Variants in TUT7 observed in about 807,000 individuals in gnomAD.
TUT7 encodes the protein terminal uridylyl transferase 7, also known as terminal uridylyltransferase 7.
TUT7 carries 33 observed loss-of-function variants against 165.9 expected under a neutral mutation model. The ratio of observed to expected loss-of-function variants is 0.20; its 90% CI spans 0.15 to 0.27. The LOEUF is 0.27. Ranked by LOEUF, TUT7 falls within the 10% of genes least tolerant of loss-of-function variation. The probability of loss-of-function intolerance (pLI) is 1.00; values close to 1 mark genes in which losing one functional copy is unlikely to be tolerated. For missense variants in TUT7, 1,338 were observed against 1,762.3 expected (o/e 0.76, Z 4.31); for synonymous variants, 552 against 608.1 (o/e 0.91, Z 1.36).
At chr9:86,316,347 T>C (rs1158094093) in intron 17 of TUT7, among the ~76,000 whole-genome samples, 2 of 152,170 alleles carry the variant, frequency 1.3e-5, no homozygotes, top group African/African-American at 4.8e-5. Context: ...GGCTCACACC[T>C]GTAATCCCAG....
At chr9:86,309,370 A>C in intron 20 of TUT7, 81 bp from the exon 21 acceptor site, 11 of 1,432,296 alleles carry the variant, frequency 7.7e-6, no homozygotes, top group Non-Finnish European at 1.1e-5. Flanking sequence ...ATAGGTAAAA[A>C]ATTAACTACA....
At chr9:86,346,022 G>C (rs569485354) in intron 3 of TUT7, among the ~76,000 whole-genome samples, 2 of 152,108 alleles carry the variant, frequency 1.3e-5, no homozygotes, top group East Asian at 3.9e-4. Flanking sequence ...AAGTAACTGG[G>C]GCTACAGGCA....
chr9:86,323,913 G>A lies in TUT7; in HGVS notation c.1837C>T (p.Pro613Ser), dbSNP rs778999776. 1.7e-5 allele frequency: 27 copies of A among 1,608,714 alleles called. No individual in the cohort carries two copies. Among genetic ancestry groups the A allele is most frequent in the East Asian group, 2.2e-5 (1 of 44,812 alleles). The change falls in exon 13 of 27, where the codon CCT becomes TCT. Residue 613 changes from proline to serine, a missense_variant. Around this residue, in one of 7 missense-constraint regions of TUT7, gnomAD observed 425 missense variants for 474.9 expected, o/e 0.89. Coordinates refer to ENST00000375963, the MANE Select transcript of TUT7 (RefSeq NM_024617.4). ...CAATGAAGTATATATTCAAACACAGGTTGACTATTTAGGGTTCTTGCCACA... is the reference window on the plus strand; with the variant it reads ...CAATGAAGTATATATTCAAACACAGATTGACTATTTAGGGTTCTTGCCACA... Reference protein sequence around the residue: ...RNVARTLNSQPVFEYILHCLR... With the variant: ...RNVARTLNSQSVFEYILHCLR...
At chr9:86,298,713 A>G (rs532642547) in intron 26 of TUT7, 3 of 873,932 alleles carry the variant, frequency 3.4e-6, no homozygotes, top group Admixed American at 1.2e-4. Flanking sequence ...GGCATGTGGT[A>G]AAGTATGCAG....
At chr9:86,294,298 CAGAGA>C (rs1354107616) in intron 26 of TUT7, among the ~76,000 whole-genome samples, 8 of 144,136 alleles carry the variant, frequency 5.6e-5, no homozygotes, top group African/African-American at 2.1e-4. Context: ...AAAAAAAACC[CAGAGA>C]AGAGGAGAGG....
At chr9:86,313,296 G>A (rs1828394850) in intron 17 of TUT7, among the ~76,000 whole-genome samples, 1 of 152,114 alleles carries the variant, frequency 6.6e-6, no homozygotes, top group African/African-American at 2.4e-5. Context: ...CAGAGGCAGG[G>A]TGACCACTTA....
In TUT7 at chr9:86,301,495, T is replaced by C. The variant is rs1287373208; in HGVS notation, c.4201A>G (p.Arg1401Gly). The C allele has an allele frequency of 6.2e-7, 1 of 1,614,148 alleles. No individual in the cohort carries two copies. The highest frequency in any genetic ancestry group is 2.2e-5 in the East Asian group (1 of 44,886). Residue 1401 changes from arginine to glycine, a missense_variant, in exon 26 of 27, where the codon AGG becomes GGG. Coordinates refer to ENST00000375963, the MANE Select transcript of TUT7 (RefSeq NM_024617.4). The stretch of plus-strand genomic sequence containing the variant: ...TTATCTTCTTTTGTTGACACCTCCC[T>C]TTCTGTGTACTTGTTGTGAATTTCT... ...DKEIHNKYTE[R>G]EVSTKEDKPI...
At chr9:86,338,169 T>C (rs1044482939) in intron 9 of TUT7, among the ~76,000 whole-genome samples, 1 of 151,950 alleles carries the variant, frequency 6.6e-6, no homozygotes, top group Non-Finnish European at 1.5e-5. Flanking sequence ...CCTGAATCAG[T>C]AAAGCTTTTG....
chr9:86,328,359 G>A lies in TUT7; in HGVS notation c.1589C>T (p.Thr530Met), dbSNP rs146532116. The A allele has an allele frequency of 3.8e-5, 61 of 1,601,182 alleles. No individual in the cohort carries two copies. In the African/African-American group the frequency reaches 5.9e-4, roughly 16 times the overall value. ...GITKEEAPRE[T>M]PIKRGQVSLI... ...ACAGACCTGTCCCCTTTTAATCGGC[G>A]TTTCTCTTGGTGCCTCTTCTTTTGT... is the stretch of plus-strand genomic sequence containing the variant. The change falls in exon 11 of 27, where the codon ACG becomes ATG. Residue 530 changes from threonine (T) to methionine (M), a missense_variant. By Grantham distance (81) the Thr-to-Met change is moderately conservative. This residue lies in a region of TUT7 where 53 missense variants were observed against 46.3 expected (regional missense o/e 1.15). Transcript: ENST00000375963.
At chr9:86,293,670 CATTCTT>C (rs1826062739) in intron 26 of TUT7, among the ~76,000 whole-genome samples, 2 of 152,174 alleles carry the variant, frequency 1.3e-5, no homozygotes, top group Admixed American at 1.3e-4. Context: ...TTAAACCTAT[CATTCTT>C]ATGAGCGGGA....
At position 86,352,944 on chromosome 9, in the gene TUT7, G is replaced by C; in HGVS notation, c.256C>G (p.Gln86Glu). Residue 86 changes from glutamine (Q) to glutamate (E), a missense_variant, in exon 2 of 27, where the codon CAA (glutamine) becomes GAA (glutamate). Physicochemically the swap from Gln to Glu is conservative, Grantham distance 29. This residue lies in a region of TUT7 where 434 missense variants were observed against 480.8 expected (regional missense o/e 0.90). Transcript: ENST00000375963. ...PYAFKNPIYS[Q>E]PAWMNDSHKD... ...TGGCTGTCATTCATCCAAGCGGGTT[G>C]ACTGTAGATTGGGTTTTTAAATGCA... 6.2e-7 allele frequency: 1 copy of C among 1,614,198 alleles called. No individual in the cohort carries two copies.
At chr9:86,331,852 C>T (rs546161999) in intron 10 of TUT7, among the ~76,000 whole-genome samples, 2 of 152,128 alleles carry the variant, frequency 1.3e-5, no homozygotes, top group East Asian at 3.9e-4. Context: ...TTTTTGCAAA[C>T]TATATATCAA....
intron 12 of TUT7, 22 bp from the exon 13 acceptor site, chr9:86,323,982 A>C (rs768389142): frequency 3.3e-6 from 5 of 1,500,702 alleles, no homozygotes; most frequent in Non-Finnish European, 3.6e-6. Context: ...AAAAGAAAGA[A>C]AGAAAAATCC....
chr9:86,344,188 C>G (rs915498365), intron 5 of TUT7, among the ~76,000 whole-genome samples: 3 of 152,190 alleles, frequency 2.0e-5, no homozygotes, highest in African/African-American at 7.2e-5. Context: ...ATCAGAATCA[C>G]TTGTCGAGCT....
At chr9:86,320,066 C>T (rs553798111) in intron 14 of TUT7, among the ~76,000 whole-genome samples, 6 of 151,956 alleles carry the variant, frequency 3.9e-5, no homozygotes, top group Non-Finnish European at 7.4e-5. Flanking sequence ...GCTCTTGAAA[C>T]GGAAAGTAAT....
At chr9:86,301,732 G>A (rs1826926807) in intron 25 of TUT7, 131 bp from the exon 26 acceptor site, 1 of 1,469,908 alleles carries the variant, frequency 6.8e-7, no homozygotes, top group Non-Finnish European at 8.9e-7. Context: ...AAAAGGAAAA[G>A]CAAGAACCTA....
chr9:86,300,331 C>G lies in TUT7; in HGVS notation c.4420+945G>C, dbSNP rs576604416. 5.9e-5 allele frequency among the ~76,000 whole-genome samples: 9 copies of G among 152,138 alleles called. No homozygotes were observed. In the South Asian group the frequency reaches 1.9e-3, roughly 32 times the overall value. On this transcript the variant is annotated intron_variant, in intron 26 of 26. Coordinates refer to ENST00000375963, the MANE Select transcript of TUT7 (RefSeq NM_024617.4). Reference sequence around the variant, plus strand: ...AAATAGAAGAGAGGTATTCTTGTTCCAAGAACTATACACATGGAGTATTTT... The same window carrying G: ...AAATAGAAGAGAGGTATTCTTGTTCGAAGAACTATACACATGGAGTATTTT...
intron 17 of TUT7, among the ~76,000 whole-genome samples, chr9:86,316,264 A>G (rs1828711390): frequency 6.6e-6 from 1 of 152,236 alleles, no homozygotes; most frequent in Non-Finnish European, 1.5e-5. Flanking sequence ...ATAGCTGTAA[A>G]TACTCTAGAA....
At chr9:86,325,116 T>C (rs1829674223) in intron 12 of TUT7, among the ~76,000 whole-genome samples, 1 of 152,262 alleles carries the variant, frequency 6.6e-6, no homozygotes, top group Non-Finnish European at 1.5e-5. Context: ...CCAGCCATTA[T>C]TCAAGTTGTT....
Sources: gnomAD v4.1 joint callset for allele counts (sites outside exome capture counted in the v4.1 genomes callset) on GRCh38, gnomAD v4.1.1 for gene constraint, gnomAD v4.1.1 regional missense constraint, MANE v1.5 for transcripts, NCBI Gene and HGNC (gene_info 2026-07-23, HGNC 2026-07-21) for gene names.